The following CNIH3 variants were observed in gnomAD, a reference collection of about 807,000 sequenced individuals.
The protein encoded by CNIH3 is protein cornichon homolog 3.
Under a neutral mutation model 24.1 loss-of-function variants are expected in CNIH3, and 14 were observed. The observed-to-expected ratio is 0.58, with a 90% CI of 0.38 to 0.91. The LOEUF (loss-of-function observed/expected upper bound fraction) is 0.91, where lower values mean the gene tolerates loss of function less well. Among genes scored for constraint, CNIH3 ranks in the 40% least tolerant of loss-of-function variants. CNIH3 has a pLI of 0.00. For missense variants in CNIH3, 178 were observed against 196.8 expected (o/e 0.90, Z 0.57); for synonymous variants, 68 against 73.8 (o/e 0.92, Z 0.40).
At chr1:224,706,620 A>G (rs942721474) in intron 3 of CNIH3, among the ~76,000 whole-genome samples, 2 of 152,030 alleles carry the variant, frequency 1.3e-5, no homozygotes, top group Admixed American at 1.3e-4. Flanking sequence ...AGCATTTGGG[A>G]GGTTTGCATG....
chr1:224,621,424 A>G (rs1205447101), intron 1 of CNIH3, among the ~76,000 whole-genome samples: 1 of 152,212 alleles, frequency 6.6e-6, no homozygotes, highest in Non-Finnish European at 1.5e-5. Flanking sequence ...GGGGTTGACA[A>G]TAAATAGCCT....
intron 4 of CNIH3, among the ~76,000 whole-genome samples, chr1:224,567,759 C>T (rs1289810673): frequency 6.6e-6 from 1 of 152,074 alleles, no homozygotes; most frequent in African/African-American, 2.4e-5. Flanking sequence ...AAGATAACCA[C>T]CCAGGTAGAA....
At chr1:224,603,932 T>C (rs1313467694) in intron 3 of CNIH3, among the ~76,000 whole-genome samples, 2 of 152,254 alleles carry the variant, frequency 1.3e-5, no homozygotes, top group African/African-American at 4.8e-5. Context: ...TTTAATATTT[T>C]ATTCGTAAAT....
intron 1 of CNIH3, among the ~76,000 whole-genome samples, chr1:224,636,002 CT>C (rs918994952): frequency 1.3e-5 from 2 of 152,178 alleles, no homozygotes; most frequent in African/African-American, 4.8e-5. Context: ...CGTGAACCCT[CT>C]TTTTTATATC....
At chr1:224,728,333 T>C (rs1438487769) in intron 3 of CNIH3, among the ~76,000 whole-genome samples, 1 of 152,098 alleles carries the variant, frequency 6.6e-6, no homozygotes, top group African/African-American at 2.4e-5. Context: ...TGGGGGTAGA[T>C]AGGATTGGTT....
intron 1 of CNIH3, among the ~76,000 whole-genome samples, chr1:224,650,077 GTGT>G (rs1221417628): frequency 6.6e-6 from 1 of 152,158 alleles, no homozygotes; most frequent in Non-Finnish European, 1.5e-5. Context: ...CAGGCACGAA[GTGT>G]TGTGTGTCAA....
At chr1:224,478,528 G>C (rs1676674326) in intron 1 of CNIH3, among the ~76,000 whole-genome samples, 1 of 152,006 alleles carries the variant, frequency 6.6e-6, no homozygotes, top group Non-Finnish European at 1.5e-5. Context: ...TTAAATTTAT[G>C]GGATAGGATT....
chr1:224,497,800 C>T (rs920719572), intron 1 of CNIH3, among the ~76,000 whole-genome samples: 13 of 152,162 alleles, frequency 8.5e-5, no homozygotes, highest in Admixed American at 2.6e-4. Flanking sequence ...CAGTGAAGCC[C>T]GGATCTGGGC....
At chr1:224,659,844 A>G (rs1233650975) in intron 1 of CNIH3, among the ~76,000 whole-genome samples, 3 of 152,234 alleles carry the variant, frequency 2.0e-5, no homozygotes, top group Non-Finnish European at 1.5e-5. Context: ...TTAGCATCTC[A>G]GGCCTTTTCA....
At position 224,586,761 on chromosome 1, in the gene CNIH3, C is replaced by A. The variant is rs781764787; in HGVS notation, n.621-1600C>A. ...AATCATCCTGGATTCAGGGTAGGCC[C>A]TAAATCCAATGACTGGTGTCCTTAT... On this transcript the variant is annotated intron_variant and non_coding_transcript_variant, in intron 5 of 5. Transcript: ENST00000471578. Among the ~76,000 whole-genome samples the A allele has an allele frequency of 2.8e-4, 43 of 152,108 alleles. 1 individual carries two copies. The highest frequency in any genetic ancestry group is 5.4e-4 in the Non-Finnish European group (37 of 68,020).
At chr1:224,581,177 C>T (rs1036720752) in intron 4 of CNIH3, among the ~76,000 whole-genome samples, 5 of 152,086 alleles carry the variant, frequency 3.3e-5, no homozygotes, top group African/African-American at 1.2e-4. Flanking sequence ...TCCTTTCATA[C>T]CATGTTGCTT....
intron 4 of CNIH3, among the ~76,000 whole-genome samples, chr1:224,568,366 A>G (rs1235715044): frequency 6.6e-6 from 1 of 152,166 alleles, no homozygotes; most frequent in African/African-American, 2.4e-5. Flanking sequence ...AATAGATGCC[A>G]GCTACTGAGC....
intron 3 of CNIH3, 80 bp from the exon 4 acceptor site, chr1:224,730,382 A>G: frequency 1.1e-6 from 1 of 882,742 alleles, no homozygotes; most frequent in Non-Finnish European, 1.8e-6. Flanking sequence ...GGCAGTGTCC[A>G]GGCAGAAGTC....
upstream of CNIH3, among the ~76,000 whole-genome samples, chr1:224,511,463 TC>T (rs1209604345): frequency 1.3e-5 from 2 of 152,218 alleles, no homozygotes; most frequent in Admixed American, 6.5e-5. Flanking sequence ...CCGCATGTGA[TC>T]ACAAAGTGGG....
In CNIH3 at chr1:224,684,382, G is replaced by A. The variant is rs1003365843; in HGVS notation, c.151-414G>A. Among the ~76,000 whole-genome samples the A allele has an allele frequency of 3.9e-5, 6 of 152,212 alleles. No individual in the cohort carries two copies. Among genetic ancestry groups the A allele is most frequent in the African/African-American group, 1.4e-4 (6 of 41,462 alleles). On this transcript the variant is annotated intron_variant, in intron 2 of 5. Coordinates refer to ENST00000272133, the MANE Select transcript of CNIH3 (RefSeq NM_152495.2). This position sits in a 1 kb window ranked among gnomAD's most constrained non-coding sequence, Gnocchi z 4.2. ...CTTAGATACTAATGAGGGCACATAC[G>A]CTCTTCGAGAACTAAGTGGGAAGGC...
chr1:224,530,607 T>C (rs896134739), intron 2 of CNIH3, among the ~76,000 whole-genome samples: 2 of 152,040 alleles, frequency 1.3e-5, no homozygotes, highest in African/African-American at 4.8e-5. Context: ...TTTTTCTTTT[T>C]TTCTTTTTTT....
intron 1 of CNIH3, among the ~76,000 whole-genome samples, chr1:224,627,514 G>A (rs1167171413): frequency 2.0e-5 from 3 of 152,094 alleles, no homozygotes; most frequent in African/African-American, 4.8e-5. Flanking sequence ...GTGAGCCACC[G>A]CACCTGGCCT....
chr1:224,735,467 ATTACCTG>A (rs1689548494), intron 5 of CNIH3, among the ~76,000 whole-genome samples: 1 of 151,968 alleles, frequency 6.6e-6, no homozygotes, highest in Non-Finnish European at 1.5e-5. Flanking sequence ...CGATTCCATC[ATTACCTG>A]TGGCAGGGCC....
At chr1:224,534,875 C>A (rs1156935831) in intron 2 of CNIH3, among the ~76,000 whole-genome samples, 2 of 152,172 alleles carry the variant, frequency 1.3e-5, no homozygotes, top group Non-Finnish European at 2.9e-5. Context: ...TTCCTAAGTA[C>A]CTCTTGCCAA....
Sources: allele counts gnomAD v4.1 joint callset (sites outside exome capture counted in the v4.1 genomes callset), GRCh38; gene constraint gnomAD v4.1.1; non-coding constraint Gnocchi (gnomAD v3.1); transcripts MANE v1.5; gene names NCBI Gene and HGNC (gene_info 2026-07-23, HGNC 2026-07-21).